SERPINB12: variants seen among roughly 807,000 people sequenced by gnomAD.
The protein encoded by SERPINB12 is serpin B12.
In SERPINB12, 57 loss-of-function variants were observed where a neutral mutation model predicts 41.1. The observed-to-expected ratio is 1.39, with a 90% CI of 1.12 to 1.73. The LOEUF (loss-of-function observed/expected upper bound fraction) is 1.73. Among genes scored for constraint, SERPINB12 ranks in the 40% most tolerant of loss-of-function variants. SERPINB12 has a pLI of 0.00. For synonymous variants in SERPINB12, 180 were observed against 181.3 expected, an observed-to-expected ratio of 0.99 and a Z score of 0.06; for missense variants, 536 against 501.9, an observed-to-expected ratio of 1.07 and a Z score of -0.65.
chr18:63,520,617 A>G, the SERPINB12 span, among the ~76,000 whole-genome samples: 1 of 152,184 alleles, frequency 6.6e-6, no homozygotes, highest in Non-Finnish European at 1.5e-5. Context: ...GTTGACTCTG[A>G]TATAGAATAA....
rs773606120 is a variant in SERPINB12, at chr18:63,568,024, G to T, written c.*1013G>T. ...GGCCACGTGGACTTTTGTGTCTTCC[G>T]AGAGGTCTCATGCCAGACCACATGG... On this transcript the variant is annotated 3_prime_UTR_variant, in exon 8 of 8. Coordinates refer to ENST00000382768, the MANE Select transcript of SERPINB12 (RefSeq NM_001307928.2). 1.4e-4 allele frequency among the ~76,000 whole-genome samples: 22 copies of T among 152,304 alleles called. No individual in the cohort carries two copies. The highest frequency in any genetic ancestry group is 3.3e-4 in the Admixed American group (5 of 15,306).
intron 1 of SERPINB12, among the ~76,000 whole-genome samples, chr18:63,548,095 A>C (rs2144319289): frequency 6.6e-6 from 1 of 152,272 alleles, no homozygotes; most frequent in African/African-American, 2.4e-5. Flanking sequence ...AGAGGAGTTA[A>C]GGGAAACAAA....
Position 63,566,977 on chromosome 18 carries a change from C to G in SERPINB12, c.1244C>G (p.Thr415Ser). Residue 415 changes from threonine (T) to serine (S), a missense_variant, in exon 8 of 8, where the codon ACC becomes AGC. Transcript: ENST00000382768. Reference sequence around the variant, plus strand: ...TTCATTAGACACAACAAAACCCAAACCATTCTCTTTTATGGCAGGGTCTGC... The same window carrying G: ...TTCATTAGACACAACAAAACCCAAAGCATTCTCTTTTATGGCAGGGTCTGC... ...LFFIRHNKTQ[T>S]ILFYGRVCSP 6.2e-7 allele frequency: 1 copy of G among 1,607,942 alleles called. No individual in the cohort carries two copies. The highest frequency in any genetic ancestry group is 8.5e-7 in the Non-Finnish European group (1 of 1,177,692).
intron 1 of SERPINB12, among the ~76,000 whole-genome samples, chr18:63,555,172 T>G (rs879349153): frequency 2.0e-5 from 3 of 152,190 alleles, no homozygotes; most frequent in Non-Finnish European, 4.4e-5. Flanking sequence ...CCCAGCATCA[T>G]TCAAGATTTA....
intron 6 of SERPINB12, among the ~76,000 whole-genome samples, chr18:63,564,360 T>C (rs1253680836): frequency 6.6e-6 from 1 of 152,232 alleles, no homozygotes; most frequent in South Asian, 2.1e-4. Flanking sequence ...ATGGGTGTTA[T>C]TATGATTTCC....
chr18:63,549,181 G>A (rs75726240), intron 1 of SERPINB12, among the ~76,000 whole-genome samples: 2,028 of 152,038 alleles, frequency 0.013, 48 homozygotes, highest in African/African-American at 0.047. Flanking sequence ...AAACAGGCAC[G>A]TACACACACA....
chr18:63,546,897 G>A (rs1910399523), intron 1 of SERPINB12, among the ~76,000 whole-genome samples: 1 of 152,196 alleles, frequency 6.6e-6, no homozygotes, highest in Admixed American at 6.5e-5. Flanking sequence ...CCGACAGGGT[G>A]TGGAGGGAAG....
upstream of SERPINB12, among the ~76,000 whole-genome samples, chr18:63,537,737 G>T (rs1910202113): frequency 6.6e-6 from 1 of 152,036 alleles, no homozygotes; most frequent in Non-Finnish European, 1.5e-5. Context: ...CTTGTTCATG[G>T]TTTGAAAAAA....
the SERPINB12 span, among the ~76,000 whole-genome samples, chr18:63,532,568 G>A: frequency 2.4e-4 from 36 of 152,270 alleles, no homozygotes; most frequent in Middle Eastern, 6.8e-3. Context: ...TTTGGAGGAG[G>A]AGATGAAAGT....
intron 7 of SERPINB12, 135 bp downstream of exon 7, chr18:63,565,747 G>T: frequency 1.5e-6 from 1 of 651,512 alleles, no homozygotes; most frequent in East Asian, 3.1e-5. Flanking sequence ...GTAAGAATCT[G>T]AATTAGATTA....
chr18:63,565,454 A>G lies in SERPINB12; in HGVS notation c.715A>G (p.Lys239Glu), dbSNP rs1000618751. Reference protein sequence around the residue: ...APFCLNANENKSVKMMTQKGL... With the variant: ...APFCLNANENESVKMMTQKGL... The stretch of plus-strand genomic sequence containing the variant: ...ACCTTGACTACTACAGAATGAAAAC[A>G]AGAGTGTGAAGATGATGACGCAAAA... Residue 239 changes from lysine to glutamate, a missense_variant, in exon 7 of 8, where the codon AAG becomes GAG. Coordinates refer to ENST00000382768, the MANE Select transcript of SERPINB12 (RefSeq NM_001307928.2). The G allele has an allele frequency of 1.2e-6, 2 of 1,613,098 alleles. No individual in the cohort carries two copies. Among genetic ancestry groups the G allele is most frequent in the Non-Finnish European group, 8.5e-7 (1 of 1,179,594 alleles).
chr18:63,543,594 A>G (rs921240313), intron 1 of SERPINB12, among the ~76,000 whole-genome samples: 1 of 75,792 alleles, frequency 1.3e-5, no homozygotes, highest in Non-Finnish European at 3.3e-5. Flanking sequence ...TTTTATTTTT[A>G]TTTATTTTTT....
At chr18:63,519,440 T>C in the SERPINB12 span, among the ~76,000 whole-genome samples, 1 of 152,232 alleles carries the variant, frequency 6.6e-6, no homozygotes, top group Non-Finnish European at 1.5e-5. Flanking sequence ...ACAAAAACCC[T>C]GTAAGGTAGG....
At chr18:63,558,530 A>T (rs749479048) in intron 3 of SERPINB12, 44 bp downstream of exon 3, 23 of 1,568,258 alleles carry the variant, frequency 1.5e-5, no homozygotes, top group Non-Finnish European at 1.7e-6. Context: ...TTTTTTACAA[A>T]CTGCTTATTC....
chr18:63,536,741 G>C, the SERPINB12 span, among the ~76,000 whole-genome samples: 1 of 151,836 alleles, frequency 6.6e-6, no homozygotes, highest in African/African-American at 2.4e-5. Context: ...GGTACTACAT[G>C]GTGTATTTTA....
chr18:63,553,903 G>A (rs1225300511), intron 1 of SERPINB12, among the ~76,000 whole-genome samples: 2 of 152,080 alleles, frequency 1.3e-5, no homozygotes, highest in African/African-American at 4.8e-5. Context: ...TCTGAGTTGT[G>A]AGGCATTATT....
intron 1 of SERPINB12, among the ~76,000 whole-genome samples, chr18:63,555,719 G>A (rs1910650686): frequency 6.6e-6 from 1 of 152,078 alleles, no homozygotes; most frequent in Admixed American, 6.5e-5. Context: ...TGAGTGATTT[G>A]TCTACAAGTC....
chr18:63,559,507 G>T lies in SERPINB12; in HGVS notation c.304-71G>T, dbSNP rs12103954. 3.5e-5 allele frequency: 53 copies of T among 1,493,200 alleles called. No individual in the cohort carries two copies. The African/African-American group carries it at 6.1e-4, about 17-fold the overall frequency. The allele number at this position is 1,493,200 out of a possible 1,614,324, so 92.5% of individuals were successfully genotyped here. A position where few individuals can be genotyped will look rare whatever the true frequency, so the allele number is the denominator to read the frequency against. On this transcript the variant is annotated intron_variant, in intron 3 of 7. Coordinates refer to ENST00000382768, the MANE Select transcript of SERPINB12 (RefSeq NM_001307928.2). ...TCTATCTTGCTTCTGTACAAAACACGCATCTTTTAGCGGTGTTTAGCTCTT... is the reference window on the plus strand; with the variant it reads ...TCTATCTTGCTTCTGTACAAAACACTCATCTTTTAGCGGTGTTTAGCTCTT...
intron 3 of SERPINB12, 84 bp from the exon 4 acceptor site, chr18:63,559,494 C>A: frequency 7.2e-7 from 1 of 1,395,028 alleles, no homozygotes; most frequent in Non-Finnish European, 9.9e-7. Flanking sequence ...TATCTTGCTT[C>A]TGTACAAAAC....
Sources: allele counts gnomAD v4.1 joint callset (sites outside exome capture counted in the v4.1 genomes callset), GRCh38; gene constraint gnomAD v4.1.1; transcripts MANE v1.5; gene names NCBI Gene and HGNC (gene_info 2026-07-23, HGNC 2026-07-21).